Variants in TOM1L1 observed in about 807,000 individuals in gnomAD.
TOM1L1 encodes the protein TOM1-like protein 1.
Under a neutral mutation model 63.4 loss-of-function variants are expected in TOM1L1, and 64 were observed. That is an observed-to-expected ratio of 1.01 (90% CI 0.83 to 1.24). TOM1L1 has a LOEUF of 1.24. Among genes scored for constraint, TOM1L1 ranks in the 50% most tolerant of loss-of-function variants. The pLI is 0.00. For synonymous variants in TOM1L1, 166 were observed against 194.4 expected (o/e 0.85, Z 1.22); for missense variants, 536 against 567.0 (o/e 0.95, Z 0.55).
intron 14 of TOM1L1, among the ~76,000 whole-genome samples, chr17:54,959,837 G>A (rs980562551): frequency 6.6e-6 from 1 of 151,994 alleles, no homozygotes; most frequent in Non-Finnish European, 1.5e-5. Context: ...TACTGGTCTT[G>A]AAATCCTGGA....
In TOM1L1 at chr17:54,905,755, T is replaced by C. The variant is rs535695459; in HGVS notation, c.222+188T>C. On this transcript the variant is annotated intron_variant, in intron 3 of 15. Transcript: ENST00000575882. The stretch of plus-strand genomic sequence containing the variant: ...AGAATAAAGAAAGTTTAGTTGTTTA[T>C]AATAGCATTTAATAGCATTTAATTT... 5.3e-5 allele frequency among the ~76,000 whole-genome samples: 8 copies of C among 152,334 alleles called. No homozygotes were observed. In the South Asian group the frequency reaches 1.7e-3, roughly 32 times the overall value.
rs749741346 is a variant in TOM1L1, at chr17:54,912,666, C to G, written c.223C>G (p.Leu75Val). ...NHKEIQLTLS[L>V]IDMCVQNCGP... ...ATGTTTAATTTTTTTTCTAATTTAG[C>G]TTATTGACATGTGTGTGCAGAACTG... Residue 75 changes from leucine (L) to valine (V), a missense_variant and splice_region_variant, in exon 4 of 16, where the codon CTT becomes GTT. Physicochemically the swap from Leu to Val is conservative, Grantham distance 32. Transcript: ENST00000575882. 13 of 1,527,488 alleles carry G rather than the reference C, an allele frequency of 8.5e-6. No individual in the cohort carries two copies. Among genetic ancestry groups the G allele is most frequent in the Non-Finnish European group, 1.1e-5 (13 of 1,144,220 alleles). The allele number at this position is 1,527,488 out of a possible 1,614,324, so 94.6% of individuals were successfully genotyped here. A position where few individuals can be genotyped will look rare whatever the true frequency, so the allele number is the denominator to read the frequency against.
chr17:54,949,992 G>A (rs749434613), intron 13 of TOM1L1, 53 bp from the exon 14 acceptor site: 12 of 1,352,888 alleles, frequency 8.9e-6, no homozygotes, highest in African/African-American at 1.5e-5. Context: ...TATCAATTGC[G>A]TGTACTCCTC....
chr17:54,904,599 C>T (rs1442791744), intron 2 of TOM1L1, among the ~76,000 whole-genome samples: 1 of 152,206 alleles, frequency 6.6e-6, no homozygotes, highest in Non-Finnish European at 1.5e-5. Context: ...AATGTCAACT[C>T]ACCCATGTTT....
rs2077093656 is a variant in TOM1L1 at position 54,960,546 on chromosome 17, C to T, written c.1371-20C>T. 1 of 1,606,552 alleles carries T rather than the reference C, an allele frequency of 6.2e-7. No individual in the cohort carries two copies. Among genetic ancestry groups the T allele is most frequent in the South Asian group, 1.1e-5 (1 of 90,902 alleles). On this transcript the variant is annotated intron_variant, in intron 14 of 15. Coordinates refer to ENST00000575882, the MANE Select transcript of TOM1L1 (RefSeq NM_005486.3). ...TTGAAATTGATACATAACCCTTTTG[C>T]TGTGATGGCTTTGTTTCAGAGCTAT...
chr17:54,926,763 C>G lies in TOM1L1; in HGVS notation c.721-3310C>G, dbSNP rs2048776279. ...GAAAGGACTGTCAGCATCTTTGAGTCCATCTCCCTTTCTTTGCAGTTGAGG... is the reference window on the plus strand; with the variant it reads ...GAAAGGACTGTCAGCATCTTTGAGTGCATCTCCCTTTCTTTGCAGTTGAGG... On this transcript the variant is annotated intron_variant, in intron 7 of 15. Coordinates refer to ENST00000575882, the MANE Select transcript of TOM1L1 (RefSeq NM_005486.3). Among the ~76,000 whole-genome samples, 4 of 152,308 alleles carry G rather than the reference C, an allele frequency of 2.6e-5. No homozygotes were observed. The South Asian group carries it at 8.3e-4, about 32-fold the overall frequency.
chr17:54,927,727 C>T (rs2048791584), intron 7 of TOM1L1, among the ~76,000 whole-genome samples: 1 of 152,188 alleles, frequency 6.6e-6, no homozygotes, highest in Non-Finnish European at 1.5e-5. Flanking sequence ...TGACCTATCC[C>T]TTTTGTCCAT....
chr17:54,927,764 G>T (rs1405727886), intron 7 of TOM1L1, among the ~76,000 whole-genome samples: 1 of 152,162 alleles, frequency 6.6e-6, no homozygotes. Context: ...TTGGCTTCCA[G>T]GTGGCTTGGC....
At chr17:54,920,008 T>TGA (rs1392079027) in intron 7 of TOM1L1, among the ~76,000 whole-genome samples, 141 of 121,188 alleles carry the variant, frequency 1.2e-3, no homozygotes, top group African/African-American at 3.9e-3. Flanking sequence ...ATTTATTTAT[T>TGA]TTATTTATTC....
chr17:54,935,125 A>C (rs2048925349), intron 8 of TOM1L1, among the ~76,000 whole-genome samples: 1 of 152,180 alleles, frequency 6.6e-6, no homozygotes, highest in Admixed American at 6.5e-5. Context: ...TGAGCAATAA[A>C]GCTGTTTATT....
intron 11 of TOM1L1, among the ~76,000 whole-genome samples, chr17:54,945,052 G>A (rs963527885): frequency 1.3e-5 from 2 of 151,992 alleles, no homozygotes; most frequent in African/African-American, 2.4e-5. Flanking sequence ...ACTATTACGG[G>A]GACATCTGTT....
At chr17:54,936,123 C>CAA (rs745430182) in intron 8 of TOM1L1, among the ~76,000 whole-genome samples, 1 of 101,252 alleles carries the variant, frequency 9.9e-6, no homozygotes. Flanking sequence ...AACTCCATCT[C>CAA]AAAAAAAAAA....
At position 54,947,423 on chromosome 17, in the gene TOM1L1, G is replaced by A. The variant is rs1273892463; in HGVS notation, c.1182+111G>A. 2.0e-5 allele frequency: 24 copies of A among 1,229,294 alleles called. No homozygotes were observed. The East Asian group carries it at 2.9e-4, about 15-fold the overall frequency. 76.1% of individuals were successfully genotyped at this position (1,229,294 alleles called of 1,614,324 possible). A position where few individuals can be genotyped will look rare whatever the true frequency, so the allele number is the denominator to read the frequency against. On this transcript the variant is annotated intron_variant, in intron 12 of 15. Transcript: ENST00000575882. The stretch of plus-strand genomic sequence containing the variant: ...GTTCTGCTCAGTATTGTGTTGATGC[G>A]CAGCCCCTGTTAGCAAGATGGTAAG...
chr17:54,927,725 C>T (rs1287763795), intron 7 of TOM1L1, among the ~76,000 whole-genome samples: 1 of 152,190 alleles, frequency 6.6e-6, no homozygotes, highest in Non-Finnish European at 1.5e-5. Context: ...TCTGACCTAT[C>T]CCTTTTGTCC....
intron 3 of TOM1L1, among the ~76,000 whole-genome samples, chr17:54,908,806 T>G (rs1260017021): frequency 6.6e-6 from 1 of 152,232 alleles, no homozygotes; most frequent in Non-Finnish European, 1.5e-5. Context: ...AAATGGAAAG[T>G]GGTCGAACAG....
intron 3 of TOM1L1, 47 bp from the exon 4 acceptor site, chr17:54,912,619 G>T (rs1002885155): frequency 1.4e-6 from 2 of 1,433,454 alleles, no homozygotes; most frequent in African/African-American, 1.5e-5. Flanking sequence ...TTTTTAGGAG[G>T]TGGTTTTGCC....
intron 14 of TOM1L1, chr17:54,955,029 A>C (rs1454090406): frequency 6.6e-6 from 1 of 152,194 alleles, no homozygotes; most frequent in Non-Finnish European, 1.5e-5. Context: ...CAGAGGAGGC[A>C]CCCTAACAAG....
At chr17:54,954,258 A>C (rs1426518665) in intron 14 of TOM1L1, 1 of 152,176 alleles carries the variant, frequency 6.6e-6, no homozygotes, top group African/African-American at 2.4e-5. Context: ...TTATGTGTGG[A>C]GAATATTCTC....
chr17:54,926,882 G>A (rs150981483), intron 7 of TOM1L1, among the ~76,000 whole-genome samples: 103 of 152,186 alleles, frequency 6.8e-4, no homozygotes, highest in African/African-American at 2.2e-3. Flanking sequence ...CTATCCATTA[G>A]ACCAACTAGT....
Sources: gnomAD v4.1 joint callset for allele counts (sites outside exome capture counted in the v4.1 genomes callset) on GRCh38, gnomAD v4.1.1 for gene constraint, MANE v1.5 for transcripts, NCBI Gene and HGNC (gene_info 2026-07-23, HGNC 2026-07-21) for gene names.